The following EPCAM variants were observed in gnomAD, a reference collection of about 807,000 sequenced individuals.
EPCAM encodes adenocarcinoma-associated antigen.
EPCAM carries 39 observed loss-of-function variants against 40.0 expected under a neutral mutation model. That is an observed-to-expected ratio of 0.98 (90% CI 0.76 to 1.27). The LOEUF is 1.27. Among genes scored for constraint, EPCAM ranks in the 50% most tolerant of loss-of-function variants. The pLI is 0.00. For missense variants in EPCAM, 503 were observed against 381.2 expected (o/e 1.32, Z -2.66); for synonymous variants, 168 against 132.3 (o/e 1.27, Z -1.85).
At chr2:47,372,265 A>G (rs1328729349) in intron 1 of EPCAM, among the ~76,000 whole-genome samples, 3 of 152,186 alleles carry the variant, frequency 2.0e-5, no homozygotes, top group Non-Finnish European at 2.9e-5. Context: ...TCCCTCATTT[A>G]AGAAAATGGG....
At chr2:47,373,760 T>A (rs746455851) in intron 2 of EPCAM, 48 bp from the exon 3 acceptor site, 4 of 1,611,854 alleles carry the variant, frequency 2.5e-6, no homozygotes, top group South Asian at 1.1e-5. Flanking sequence ...TTTCCCGTAA[T>A]CATGAAATCA....
At chr2:47,385,059 GT>G (rs962521506) in intron 7 of EPCAM, 106 bp from the exon 8 acceptor site, 144 of 901,780 alleles carry the variant, frequency 1.6e-4, no homozygotes, top group African/African-American at 3.3e-4. Flanking sequence ...GTTAAAATTA[GT>G]TTTTTTTCAG....
At chr2:47,385,282 A>G in intron 8 of EPCAM, 72 bp downstream of exon 8, 2 of 1,207,190 alleles carry the variant, frequency 1.7e-6, no homozygotes, top group South Asian at 1.2e-5. Context: ...ACCTTCCTAC[A>G]CACTGATGCA....
intron 7 of EPCAM, chr2:47,383,060 A>G (rs1258267663): frequency 1.3e-5 from 2 of 151,306 alleles, no homozygotes; most frequent in East Asian, 2.0e-4. Context: ...TAATCCCAGC[A>G]CTTTGGGAGG....
chr2:47,372,496 G>C (rs867969855), intron 1 of EPCAM, among the ~76,000 whole-genome samples: 1 of 151,892 alleles, frequency 6.6e-6, no homozygotes, highest in Non-Finnish European at 1.5e-5. Context: ...AAAAAAAGCC[G>C]GGCGCGGTGG....
At position 47,373,989 on chromosome 2, in the gene EPCAM, T is replaced by C; in HGVS notation, c.366T>C (p.Ala122=). 1 of 1,614,162 alleles carries C rather than the reference T, an allele frequency of 6.2e-7. No individual in the cohort carries two copies. The highest frequency in any genetic ancestry group is 8.5e-7 in the Non-Finnish European group (1 of 1,180,026). Reference sequence around the variant, plus strand: ...CCATGTGCTGGTGTGTGAACACTGCTGGGGTCAGAAGAACAGACAAGGACA... The same window carrying C: ...CCATGTGCTGGTGTGTGAACACTGCCGGGGTCAGAAGAACAGACAAGGACA... ...GTSMCWCVNT[A]GVRRTDKDTE... The change falls in exon 3 of 9, where the codon GCT becomes GCC. Residue 122 remains alanine (A), a synonymous_variant. Coordinates refer to ENST00000263735, the MANE Select transcript of EPCAM (RefSeq NM_002354.3).
At chr2:47,374,337 TCTTTA>T (rs1225927734) in intron 3 of EPCAM, among the ~76,000 whole-genome samples, 8 of 152,346 alleles carry the variant, frequency 5.3e-5, no homozygotes, top group East Asian at 1.9e-4. Context: ...TTCTTTTATA[TCTTTA>T]CTTAACATTA....
chr2:47,370,255 TC>T (rs896083204), intron 1 of EPCAM, among the ~76,000 whole-genome samples: 1 of 152,106 alleles, frequency 6.6e-6, no homozygotes, highest in Admixed American at 6.5e-5. Context: ...ATTAGGTGTA[TC>T]TTTCTTTCTT....
At position 47,369,339 on chromosome 2, in the gene EPCAM, C is replaced by G. The variant is rs1366610213; in HGVS notation, c.-167C>G. The G allele has an allele frequency of 7.8e-7, 1 of 1,279,694 alleles. No homozygotes were observed. Among genetic ancestry groups the G allele is most frequent in the African/African-American group, 1.6e-5 (1 of 63,456 alleles). 79.3% of individuals were successfully genotyped at this position (1,279,694 alleles called of 1,614,324 possible). A position where few individuals can be genotyped will look rare whatever the true frequency, so the allele number is the denominator to read the frequency against. On this transcript the variant is annotated 5_prime_UTR_variant, in exon 1 of 9. Transcript: ENST00000263735. ...GAGCGCTAGTCCTTCGGCGAGCGAG[C>G]ACCTTCGACGCGGTCCGGGGACCCC...
Position 47,373,799 on chromosome 2 carries a change from C to G in EPCAM, c.185-9C>G, listed in dbSNP as rs863224388. On this transcript the variant is annotated splice_polypyrimidine_tract_variant and intron_variant, in intron 2 of 8. Transcript: ENST00000263735. The stretch of plus-strand genomic sequence containing the variant: ...ATTTTTCAGTTTGGCATTAAGGTTT[C>G]TTTTTCAGTGGCTGCCAAATGTTTG... The G allele has an allele frequency of 1.9e-6, 3 of 1,613,564 alleles. No individual in the cohort carries two copies. The highest frequency in any genetic ancestry group is 2.2e-5 in the East Asian group (1 of 44,876).
At chr2:47,372,901 G>C (rs1199332390) in intron 1 of EPCAM, among the ~76,000 whole-genome samples, 1 of 151,384 alleles carries the variant, frequency 6.6e-6, no homozygotes, top group Non-Finnish European at 1.5e-5. Flanking sequence ...CTGTGTTCTT[G>C]TTTTAAAAAA....
At chr2:47,383,719 C>G (rs1671661863) in intron 7 of EPCAM, among the ~76,000 whole-genome samples, 1 of 141,456 alleles carries the variant, frequency 7.1e-6, no homozygotes, top group African/African-American at 2.7e-5. Context: ...ACTGCAACCT[C>G]CATCTCCCAG....
At chr2:47,384,605 G>A (rs917116320) in intron 7 of EPCAM, among the ~76,000 whole-genome samples, 9 of 149,098 alleles carry the variant, frequency 6.0e-5, no homozygotes, top group East Asian at 2.0e-4. Context: ...TAGTAGAGTC[G>A]GGGGGTTTCA....
chr2:47,372,818 G>A (rs1671309997), intron 1 of EPCAM, among the ~76,000 whole-genome samples: 1 of 152,054 alleles, frequency 6.6e-6, no homozygotes, highest in Non-Finnish European at 1.5e-5. Context: ...ATGTTACTTA[G>A]CAGGACAGGA....
chr2:47,382,869 G>T (rs1256515139), intron 7 of EPCAM, among the ~76,000 whole-genome samples: 1 of 152,110 alleles, frequency 6.6e-6, no homozygotes, highest in Non-Finnish European at 1.5e-5. Flanking sequence ...GTGCACAGGT[G>T]GTGATGATAC....
At chr2:47,375,526 A>G (rs1253280961) in intron 4 of EPCAM, among the ~76,000 whole-genome samples, 1 of 152,118 alleles carries the variant, frequency 6.6e-6, no homozygotes, top group Non-Finnish European at 1.5e-5. Context: ...GTGTGGATGA[A>G]TATGTGTGTG....
At chr2:47,377,520 A>G (rs755959989) in intron 5 of EPCAM, among the ~76,000 whole-genome samples, 2 of 151,964 alleles carry the variant, frequency 1.3e-5, no homozygotes, top group Admixed American at 6.6e-5. Flanking sequence ...TACAGGTGTG[A>G]GCCACCACGC....
In EPCAM at chr2:47,380,118, C is replaced by T. The variant is rs183402238; in HGVS notation, c.858+149C>T. 4.6e-6 allele frequency: 6 copies of T among 1,303,574 alleles called. No homozygotes were observed. In the African/African-American group the frequency reaches 8.8e-5, roughly 19 times the overall value. 80.8% of individuals were successfully genotyped at this position (1,303,574 alleles called of 1,614,324 possible). Reference sequence around the variant, plus strand: ...ATCACTTGAGCCCAGGAGTTTGAGACCACACTGGGCAACATGGTGAAACCT... The same window carrying T: ...ATCACTTGAGCCCAGGAGTTTGAGATCACACTGGGCAACATGGTGAAACCT... On this transcript the variant is annotated intron_variant, in intron 7 of 8. Transcript: ENST00000263735.
intron 5 of EPCAM, chr2:47,377,651 T>A (rs183136199): frequency 4.7e-5 from 14 of 295,798 alleles, no homozygotes; most frequent in African/African-American, 2.1e-4. Flanking sequence ...TTTCTTATCC[T>A]GGAGAACCTG....
Sources: allele counts gnomAD v4.1 joint callset (sites outside exome capture counted in the v4.1 genomes callset), GRCh38; gene constraint gnomAD v4.1.1; transcripts MANE v1.5; gene names NCBI Gene and HGNC (gene_info 2026-07-23, HGNC 2026-07-21).